Variants in SPATA1 observed in about 807,000 individuals in gnomAD.
SPATA1 encodes spermatogenesis-associated protein 1.
A neutral mutation model predicts 59.6 loss-of-function variants in SPATA1; 57 were observed. The ratio of observed to expected loss-of-function variants is 0.96; its 90% CI spans 0.77 to 1.19. SPATA1 has a LOEUF of 1.19. Ranked by LOEUF, SPATA1 falls within the 50% of genes most tolerant of loss-of-function variation. The pLI is 0.00. For synonymous variants in SPATA1, 147 were observed against 163.9 expected, an observed-to-expected ratio of 0.90 and a Z score of 0.79; for missense variants, 448 against 480.7, an observed-to-expected ratio of 0.93 and a Z score of 0.64.
rs192223113 is a variant in SPATA1, at chr1:84,515,409, T to C, written c.-137-814T>C. ...AAACAATTAGTGGTACTTGTTAGGG[T>C]TTTGTAGAGCTGTAATCAGTTCCAG... On this transcript the variant is annotated intron_variant, in intron 1 of 12. Coordinates refer to ENST00000490879, the Ensembl canonical transcript of SPATA1. Among the ~76,000 whole-genome samples the C allele has an allele frequency of 2.6e-4, 39 of 152,128 alleles. 1 individual carries two copies. In the East Asian group the frequency reaches 3.7e-3, roughly 14 times the overall value.
intron 1 of SPATA1, among the ~76,000 whole-genome samples, chr1:84,508,613 T>G (rs193086775): frequency 1.3e-5 from 2 of 152,342 alleles, no homozygotes; most frequent in Non-Finnish European, 2.9e-5. Context: ...TTCACCGTAT[T>G]CAATTAATTA....
chr1:84,508,591 T>G (rs1000296687), intron 1 of SPATA1, among the ~76,000 whole-genome samples: 5 of 151,474 alleles, frequency 3.3e-5, no homozygotes, highest in African/African-American at 9.7e-5. Context: ...CAATTTAAAT[T>G]TACCTGAGAT....
intron 8 of SPATA1, among the ~76,000 whole-genome samples, chr1:84,536,408 ACT>A (rs1293918443): frequency 2.0e-5 from 3 of 152,210 alleles, no homozygotes; most frequent in Non-Finnish European, 4.4e-5. Context: ...AAATCCGAAG[ACT>A]TGGGGATATA....
At chr1:84,508,580 T>C (rs1682388721) in intron 1 of SPATA1, among the ~76,000 whole-genome samples, 1 of 151,320 alleles carries the variant, frequency 6.6e-6, no homozygotes, top group African/African-American at 2.4e-5. Context: ...CAGAGCACTG[T>C]CAATTTAAAT....
chr1:84,547,314 T>G (rs74095448), intron 10 of SPATA1, among the ~76,000 whole-genome samples: 253 of 152,242 alleles, frequency 1.7e-3, no homozygotes, highest in African/African-American at 5.8e-3. Flanking sequence ...ATGGGAATGA[T>G]CCATCACTTC....
intron 6 of SPATA1, among the ~76,000 whole-genome samples, chr1:84,528,228 A>G (rs986419907): frequency 2.0e-5 from 3 of 152,034 alleles, no homozygotes; most frequent in African/African-American, 7.2e-5. Context: ...TGCCTTCTGT[A>G]TTTTGAAGCT....
chr1:84,507,058 CA>C (rs1682290614), intron 1 of SPATA1: 1 of 151,976 alleles, frequency 6.6e-6, no homozygotes, highest in South Asian at 2.1e-4. Flanking sequence ...AATTGAGTAC[CA>C]AAGGAGTTTT....
chr1:84,516,269 A>G, exon 2 of SPATA1: 2 of 1,174,024 alleles, frequency 1.7e-6, no homozygotes, highest in Middle Eastern at 5.7e-4. Context: ...AAAAACTATT[A>G]TAATTTTTAT....
At chr1:84,546,317 G>A (rs1291533839) in intron 10 of SPATA1, among the ~76,000 whole-genome samples, 1 of 152,112 alleles carries the variant, frequency 6.6e-6, no homozygotes, top group Non-Finnish European at 1.5e-5. Flanking sequence ...AGCCTAGCCA[G>A]GTGTGGTGGT....
intron 2 of SPATA1, 77 bp from the exon 3 acceptor site, chr1:84,520,506 CTT>C (rs1682979784): frequency 4.6e-6 from 4 of 863,556 alleles, no homozygotes; most frequent in Non-Finnish European, 5.1e-6. Context: ...GTTTATTAAA[CTT>C]AATTCTATAG....
chr1:84,542,032 C>T (rs968349058), intron 8 of SPATA1, among the ~76,000 whole-genome samples: 5 of 152,082 alleles, frequency 3.3e-5, no homozygotes, highest in East Asian at 1.9e-4. Flanking sequence ...TGCAATGGCA[C>T]GATCTCAGCT....
chr1:84,533,805 A>C (rs1683567694), intron 8 of SPATA1, 39 bp downstream of exon 8: 2 of 1,206,080 alleles, frequency 1.7e-6, no homozygotes, highest in Non-Finnish European at 1.2e-6. Flanking sequence ...TGGTATTGCA[A>C]CATCATAATA....
At chr1:84,525,227 G>A (rs312398) in intron 4 of SPATA1, among the ~76,000 whole-genome samples, 150,496 of 152,352 alleles carry the variant, frequency 0.99, 74,358 homozygotes, top group East Asian at 1. Flanking sequence ...TTGGCCTCCC[G>A]AAGTGCTGAG....
intron 1 of SPATA1, among the ~76,000 whole-genome samples, chr1:84,513,778 T>C (rs1682676300): frequency 1.3e-5 from 2 of 152,154 alleles, no homozygotes; most frequent in South Asian, 2.1e-4. Flanking sequence ...AGTATAGCTT[T>C]CCCATAACAT....
intron 6 of SPATA1, among the ~76,000 whole-genome samples, chr1:84,531,637 G>A (rs2101968407): frequency 6.8e-6 from 1 of 147,484 alleles, no homozygotes; most frequent in African/African-American, 2.5e-5. Flanking sequence ...ACAGCAGGGT[G>A]ATCATGGCTC....
At chr1:84,536,029 T>C (rs570825213) in intron 8 of SPATA1, among the ~76,000 whole-genome samples, 1 of 152,362 alleles carries the variant, frequency 6.6e-6, no homozygotes, top group African/African-American at 2.4e-5. Context: ...AAACCTGCAC[T>C]GAACTGATTC....
chr1:84,563,761 C>A, intron 4 of SPATA1: 2 of 1,605,152 alleles, frequency 1.2e-6, no homozygotes, highest in South Asian at 1.1e-5. Context: ...CAGGTATAAT[C>A]ATAACCATAC....
chr1:84,554,736 A>C (rs374599581), downstream of SPATA1: 21 of 299,380 alleles, frequency 7.0e-5, no homozygotes, highest in South Asian at 5.8e-4. Flanking sequence ...TCTGAAAGCA[A>C]TTTTTCCCAA....
intron 8 of SPATA1, among the ~76,000 whole-genome samples, chr1:84,534,294 A>G (rs1683589265): frequency 6.6e-6 from 1 of 152,106 alleles, no homozygotes; most frequent in South Asian, 2.1e-4. Context: ...AATTTTGCAC[A>G]TATTTGCAGG....
Sources: allele counts gnomAD v4.1 joint callset (sites outside exome capture counted in the v4.1 genomes callset), GRCh38; gene constraint gnomAD v4.1.1; transcripts MANE v1.5; gene names NCBI Gene and HGNC (gene_info 2026-07-23, HGNC 2026-07-21).